The following BMPR1B variants were observed in gnomAD, a reference collection of about 807,000 sequenced individuals.
BMPR1B encodes the protein bone morphogenetic protein receptor type 1B, also known as bone morphogenetic protein receptor type-1B.
Under a neutral mutation model 59.1 loss-of-function variants are expected in BMPR1B, and 12 were observed. That is an observed-to-expected ratio of 0.20 (90% CI 0.13 to 0.33). The LOEUF (loss-of-function observed/expected upper bound fraction) is 0.33. Among genes scored for constraint, BMPR1B ranks in the 10% least tolerant of loss-of-function variants. The probability of loss-of-function intolerance (pLI) is 1.00; values close to 1 mark genes in which losing one functional copy is unlikely to be tolerated. For missense variants in BMPR1B, 550 were observed against 610.9 expected, an observed-to-expected ratio of 0.90 and a Z score of 1.05; for synonymous variants, 237 against 207.3, an observed-to-expected ratio of 1.14 and a Z score of -1.23.
At chr4:94,906,004 CA>C (rs201091494) in intron 2 of BMPR1B, among the ~76,000 whole-genome samples, 2,033 of 147,792 alleles carry the variant, frequency 0.014, 38 homozygotes, top group African/African-American at 0.044. Flanking sequence ...ATAAGATGAA[CA>C]AAGTAATGAT....
At chr4:94,832,754 G>A (rs1206175644) in intron 1 of BMPR1B, among the ~76,000 whole-genome samples, 1 of 151,954 alleles carries the variant, frequency 6.6e-6, no homozygotes, top group Non-Finnish European at 1.5e-5. Context: ...CTGCACTACA[G>A]CCTGGGCAAC....
intron 1 of BMPR1B, among the ~76,000 whole-genome samples, chr4:94,765,611 C>T (rs1345989460): frequency 6.6e-6 from 1 of 152,124 alleles, no homozygotes; most frequent in Non-Finnish European, 1.5e-5. Flanking sequence ...ATAATTTAAT[C>T]AAATCTCTCG....
At chr4:95,092,187 A>C (rs1349283620) in intron 3 of BMPR1B, among the ~76,000 whole-genome samples, 1 of 152,150 alleles carries the variant, frequency 6.6e-6, no homozygotes, top group Non-Finnish European at 1.5e-5. Context: ...ATGTTTCAAA[A>C]ATATAGTTGC....
chr4:94,822,253 A>G, intron 1 of BMPR1B, among the ~76,000 whole-genome samples: 1 of 152,068 alleles, frequency 6.6e-6, no homozygotes, highest in Non-Finnish European at 1.5e-5. Flanking sequence ...TAAAGGTCCC[A>G]CCTCCCAACA....
intron 1 of BMPR1B, among the ~76,000 whole-genome samples, chr4:94,836,328 C>T (rs1401752665): frequency 4.0e-5 from 6 of 150,604 alleles, no homozygotes; most frequent in South Asian, 2.1e-4. Flanking sequence ...CCTGAGGAAT[C>T]GCCACACTGA....
chr4:94,987,238 TATATA>T (rs200710154), intron 2 of BMPR1B, among the ~76,000 whole-genome samples: 9,453 of 145,718 alleles, frequency 0.065, 416 homozygotes, highest in Middle Eastern at 0.22. Context: ...ATATATGTAA[TATATA>T]ATATAATATA....
chr4:94,992,882 C>G (rs985369770), intron 2 of BMPR1B, among the ~76,000 whole-genome samples: 2 of 151,042 alleles, frequency 1.3e-5, no homozygotes, highest in Non-Finnish European at 1.5e-5. Flanking sequence ...AGTATGTAAT[C>G]TTTTTTTTTC....
chr4:94,984,503 C>A (rs988214274), intron 2 of BMPR1B, among the ~76,000 whole-genome samples: 2 of 152,154 alleles, frequency 1.3e-5, no homozygotes, highest in Admixed American at 6.5e-5. Flanking sequence ...CACTTAAATA[C>A]TACTTAGGAT....
At chr4:95,028,945 A>G (rs1724613729) in intron 3 of BMPR1B, among the ~76,000 whole-genome samples, 1 of 152,092 alleles carries the variant, frequency 6.6e-6, no homozygotes, top group Admixed American at 6.5e-5. Context: ...AAGTATTTAT[A>G]TACAGATTTA....
chr4:94,932,738 A>G (rs1461438044), intron 2 of BMPR1B, among the ~76,000 whole-genome samples: 1 of 152,130 alleles, frequency 6.6e-6, no homozygotes, highest in Non-Finnish European at 1.5e-5. Flanking sequence ...TAATATACAT[A>G]ATAATAAGAA....
chr4:94,828,606 A>G (rs550916599), intron 1 of BMPR1B, among the ~76,000 whole-genome samples: 6 of 152,334 alleles, frequency 3.9e-5, no homozygotes, highest in African/African-American at 1.4e-4. Flanking sequence ...GAGGGCATAT[A>G]GAATATGCAG....
intron 3 of BMPR1B, among the ~76,000 whole-genome samples, chr4:95,067,164 G>A (rs1727876118): frequency 1.3e-5 from 2 of 152,048 alleles, no homozygotes; most frequent in Admixed American, 1.3e-4. Context: ...TGCTTTCTTT[G>A]TATGCCATTT....
chr4:94,758,803 CGG>C (rs540812332), intron 1 of BMPR1B, among the ~76,000 whole-genome samples: 251 of 152,184 alleles, frequency 1.6e-3, no homozygotes, highest in Non-Finnish European at 2.5e-3. Context: ...CCTCTCCCCC[CGG>C]TCTCTCTTTC....
At chr4:95,059,851 A>G (rs1241801598) in intron 3 of BMPR1B, among the ~76,000 whole-genome samples, 2 of 152,304 alleles carry the variant, frequency 1.3e-5, no homozygotes, top group South Asian at 2.1e-4. Context: ...ACAGTTGGCC[A>G]ATGTGTTTTC....
chr4:94,868,001 G>A (rs1023317895), intron 1 of BMPR1B, among the ~76,000 whole-genome samples: 2 of 147,950 alleles, frequency 1.4e-5, no homozygotes, highest in Non-Finnish European at 3.0e-5. Flanking sequence ...ATGTGCCACC[G>A]TGCCTGTGCC....
chr4:95,012,936 A>G (rs1723325695), intron 3 of BMPR1B, among the ~76,000 whole-genome samples: 2 of 152,176 alleles, frequency 1.3e-5, no homozygotes, highest in African/African-American at 4.8e-5. Flanking sequence ...ATAGGTGCCT[A>G]TCCAAAATAA....
At chr4:94,937,740 A>G (rs1729373742) in intron 2 of BMPR1B, among the ~76,000 whole-genome samples, 2 of 152,068 alleles carry the variant, frequency 1.3e-5, no homozygotes, top group Admixed American at 1.3e-4. Context: ...ACACACACAG[A>G]CACACACAAT....
intron 10 of BMPR1B, 57 bp downstream of exon 10, chr4:95,131,569 T>C: frequency 6.3e-7 from 1 of 1,585,326 alleles, no homozygotes; most frequent in Non-Finnish European, 8.7e-7. Flanking sequence ...TACTTTTTAT[T>C]TTGTAGCGCA....
At chr4:94,937,149 G>C (rs968782458) in intron 2 of BMPR1B, among the ~76,000 whole-genome samples, 5 of 152,050 alleles carry the variant, frequency 3.3e-5, no homozygotes, top group African/African-American at 1.2e-4. Flanking sequence ...GTACTGGCCT[G>C]CTCACTCATT....
Sources: allele counts gnomAD v4.1 joint callset (sites outside exome capture counted in the v4.1 genomes callset), GRCh38; gene constraint gnomAD v4.1.1; transcripts MANE v1.5; gene names NCBI Gene and HGNC (gene_info 2026-07-23, HGNC 2026-07-21).